Variants in ALK observed in about 807,000 individuals in gnomAD.
The protein encoded by ALK is ALK receptor tyrosine kinase, also known as ALK tyrosine kinase receptor.
ALK carries 74 observed loss-of-function variants against 163.1 expected under a neutral mutation model. That is an observed-to-expected ratio of 0.45 (90% CI 0.38 to 0.55). ALK has a LOEUF of 0.55. Ranked by LOEUF, ALK falls within the 20% of genes least tolerant of loss-of-function variation. The probability of loss-of-function intolerance (pLI) is 0.00; values close to 1 mark genes in which losing one functional copy is unlikely to be tolerated. For synonymous variants in ALK, 960 were observed against 843.2 expected (o/e 1.14, Z -2.40); for missense variants, 2,063 against 2,105.3 (o/e 0.98, Z 0.39).
At chr2:29,831,008 A>AGAAGAAGAAGAAGGGGAAGAG (rs1558508426) in intron 1 of ALK, among the ~76,000 whole-genome samples, 1 of 40,806 alleles carries the variant, frequency 2.5e-5, no homozygotes, top group African/African-American at 7.1e-5. Context: ...AAGAAGAAGA[A>AGAAGAAGAAGAAGGGGAAGAG]GAAGGGGAAG....
chr2:29,860,663 CTGAA>C, intron 1 of ALK, among the ~76,000 whole-genome samples: 1 of 152,116 alleles, frequency 6.6e-6, no homozygotes, highest in East Asian at 1.9e-4. Flanking sequence ...CTTAAGAAGA[CTGAA>C]ATCACATCAA....
At chr2:29,260,349 T>C (rs1249697380) in intron 11 of ALK, among the ~76,000 whole-genome samples, 1 of 152,234 alleles carries the variant, frequency 6.6e-6, no homozygotes, top group Non-Finnish European at 1.5e-5. Flanking sequence ...ATGATTTTGC[T>C]TTCTGTAGGC....
At chr2:29,208,412 G>T (rs1007902280) in intron 25 of ALK, among the ~76,000 whole-genome samples, 2 of 152,158 alleles carry the variant, frequency 1.3e-5, no homozygotes, top group Non-Finnish European at 1.5e-5. Context: ...GATAACAGAG[G>T]GCTCGAGGAG....
chr2:29,791,167 CCACACATG>C (rs1256689321), intron 1 of ALK, among the ~76,000 whole-genome samples: 2 of 152,148 alleles, frequency 1.3e-5, no homozygotes, highest in African/African-American at 4.8e-5. Flanking sequence ...GACAATATTT[CCACACATG>C]CACACATATG....
At chr2:29,908,824 A>C (rs533849508) in intron 1 of ALK, among the ~76,000 whole-genome samples, 1 of 152,346 alleles carries the variant, frequency 6.6e-6, no homozygotes, top group Non-Finnish European at 1.5e-5. Context: ...TTAGCATTCA[A>C]GTGCTGCCTT....
At chr2:29,252,882 T>G (rs1366563970) in intron 11 of ALK, among the ~76,000 whole-genome samples, 1 of 151,674 alleles carries the variant, frequency 6.6e-6, no homozygotes, top group Non-Finnish European at 1.5e-5. Flanking sequence ...CTGAGGGTAG[T>G]GGTACAATCA....
chr2:29,712,810 T>C (rs1679139906), intron 2 of ALK, among the ~76,000 whole-genome samples: 1 of 152,162 alleles, frequency 6.6e-6, no homozygotes. Context: ...AAAGTTTGAA[T>C]AAAACTTTTA....
intron 4 of ALK, among the ~76,000 whole-genome samples, chr2:29,387,394 AGTATGTTAG>A (rs562952503): frequency 1.3e-5 from 2 of 152,138 alleles, no homozygotes; most frequent in Non-Finnish European, 2.9e-5. Context: ...TATTATAATG[AGTATGTTAG>A]AGTCCATCAA....
chr2:29,472,333 C>T (rs906177613), intron 4 of ALK, among the ~76,000 whole-genome samples: 6 of 152,178 alleles, frequency 3.9e-5, no homozygotes, highest in Non-Finnish European at 8.8e-5. Flanking sequence ...TCTAAATTCC[C>T]AATCCACAAA....
intron 1 of ALK, among the ~76,000 whole-genome samples, chr2:29,873,141 C>A (rs1480883941): frequency 6.6e-6 from 1 of 152,190 alleles, no homozygotes; most frequent in Non-Finnish European, 1.5e-5. Flanking sequence ...CAACCACTGA[C>A]AGATGTTTTA....
At chr2:29,606,996 C>T (rs1325916966) in intron 3 of ALK, among the ~76,000 whole-genome samples, 1 of 152,172 alleles carries the variant, frequency 6.6e-6, no homozygotes, top group African/African-American at 2.4e-5. Context: ...CTTTTTTTAA[C>T]TCAGCAGTCC....
rs568574818 is a variant in ALK at position 29,831,594 on chromosome 2, A to G, written c.667+88399T>C. ...TGTATATATTTTGGCTTCTTATTCT[A>G]TCATCACTATAATTTACAACTTTTA... On this transcript the variant is annotated intron_variant, in intron 1 of 28. Transcript: ENST00000389048. Among the ~76,000 whole-genome samples, 33 of 152,236 alleles carry G rather than the reference A, an allele frequency of 2.2e-4. No homozygotes were observed. In the South Asian group the frequency reaches 6.6e-3, roughly 31 times the overall value.
chr2:29,478,567 T>C (rs766049539), intron 4 of ALK, among the ~76,000 whole-genome samples: 5 of 152,236 alleles, frequency 3.3e-5, no homozygotes, highest in Non-Finnish European at 5.9e-5. Flanking sequence ...TTTGAAGTAA[T>C]GAGCTCATGC....
rs1223508572 is a variant in ALK, at chr2:29,217,056, GTTGTAT to G, written c.3646-2981_3646-2976del. 3.4e-5 allele frequency among the ~76,000 whole-genome samples: 5 copies of G among 145,922 alleles called. No individual in the cohort carries two copies. The East Asian group carries it at 1.0e-3, about 30-fold the overall frequency. On this transcript the variant is annotated intron_variant, in intron 23 of 28. Coordinates refer to ENST00000389048, the MANE Select transcript of ALK (RefSeq NM_004304.5). The stretch of plus-strand genomic sequence containing the variant: ...GTCTGGGGGCATGTGTGTGGTGTGT[GTTGTAT>G]GTGTATGTGTAGTGTATGTAAGTGG...
At chr2:29,557,101 T>C (rs763872051) in intron 3 of ALK, among the ~76,000 whole-genome samples, 2 of 152,198 alleles carry the variant, frequency 1.3e-5, no homozygotes, top group Non-Finnish European at 2.9e-5. Context: ...TGTTCTCTAG[T>C]ACTGTGTAGG....
chr2:29,471,384 C>A lies in ALK; in HGVS notation c.1154+60531G>T, dbSNP rs898592328. Among the ~76,000 whole-genome samples the A allele has an allele frequency of 4.6e-5, 7 of 152,130 alleles. 1 individual carries two copies. Among genetic ancestry groups the A allele is most frequent in the Admixed American group, 4.6e-4 (7 of 15,266 alleles). The stretch of plus-strand genomic sequence containing the variant: ...TCTTATTAGCATAGATGCAAAAGTT[C>A]TAGACAAAGTATTAACAGATCGGTA... On this transcript the variant is annotated intron_variant, in intron 4 of 28. Coordinates refer to ENST00000389048, the MANE Select transcript of ALK (RefSeq NM_004304.5).
rs754157689 is a variant in ALK at position 29,275,496 on chromosome 2, C to A, written c.1818G>T (p.Arg606Ser). The A allele has an allele frequency of 1.9e-6, 3 of 1,614,026 alleles. No individual in the cohort carries two copies. The Admixed American group carries it at 5.0e-5, about 27-fold the overall frequency. Residue 606 changes from arginine (R) to serine (S), a missense_variant and splice_region_variant, in exon 10 of 29, where the codon AGG becomes AGT. Arg to Ser is a moderately radical substitution (Grantham distance 110, BLOSUM62 -1). Transcript: ENST00000389048. ...MVLPLLDVSD[R>S]FWLQMVAWWG... is the part of the protein sequence containing the mutation. ...ACCATGCGACCATCTGCAGCCAGAA[C>A]CTGTACACATCAAGAGGAATGTGTG... is the stretch of plus-strand genomic sequence containing the variant.
intron 1 of ALK, among the ~76,000 whole-genome samples, chr2:29,847,921 A>G (rs1026750685): frequency 1.3e-5 from 2 of 152,092 alleles, no homozygotes; most frequent in African/African-American, 4.8e-5. Flanking sequence ...AGAAGCAGAG[A>G]TGGGAAAGAG....
chr2:29,500,099 C>T (rs140262315), intron 4 of ALK, among the ~76,000 whole-genome samples: 12 of 152,264 alleles, frequency 7.9e-5, no homozygotes, highest in African/African-American at 1.4e-4. Flanking sequence ...CCATGATTTC[C>T]GATCCCAGAG....
Sources: allele counts gnomAD v4.1 joint callset (sites outside exome capture counted in the v4.1 genomes callset), GRCh38; gene constraint gnomAD v4.1.1; transcripts MANE v1.5; gene names NCBI Gene and HGNC (gene_info 2026-07-23, HGNC 2026-07-21).